The following SNX29 variants were observed in gnomAD, a reference collection of about 807,000 sequenced individuals.
The protein encoded by SNX29 is sorting nexin-29.
SNX29 carries 78 observed loss-of-function variants against 102.1 expected under a neutral mutation model. The ratio of observed to expected loss-of-function variants is 0.76; its 90% confidence interval spans 0.64 to 0.92. The LOEUF is 0.92. Ranked by LOEUF, SNX29 falls within the 40% of genes least tolerant of loss-of-function variation. The pLI is 0.00. For missense variants in SNX29, 1,280 were observed against 1,061.7 expected (o/e 1.21, Z -2.86); for synonymous variants, 580 against 414.5 (o/e 1.40, Z -4.85).
At chr16:12,236,737 C>G (rs139652136) in intron 14 of SNX29, among the ~76,000 whole-genome samples, 2 of 152,318 alleles carry the variant, frequency 1.3e-5, no homozygotes, top group East Asian at 1.9e-4. Flanking sequence ...GTTCCTCTTT[C>G]GCATCTCCCT....
chr16:12,296,374 G>A (rs1006897953), intron 15 of SNX29, among the ~76,000 whole-genome samples: 1 of 151,752 alleles, frequency 6.6e-6, no homozygotes, highest in Non-Finnish European at 1.5e-5. Context: ...CCTTATATAT[G>A]GGGAGAAGAA....
intron 14 of SNX29, among the ~76,000 whole-genome samples, chr16:12,208,921 G>A (rs917826841): frequency 2.0e-5 from 3 of 151,970 alleles, no homozygotes; most frequent in Non-Finnish European, 2.9e-5. Flanking sequence ...CTACTAGGTT[G>A]CACCTTGGAA....
chr16:12,027,216 G>A (rs1018117592), intron 3 of SNX29, 104 bp from the exon 4 acceptor site: 3 of 1,441,296 alleles, frequency 2.1e-6, no homozygotes, highest in Non-Finnish European at 2.8e-6. Flanking sequence ...CCTTCACGCT[G>A]AGGTTTACAC....
intron 16 of SNX29, among the ~76,000 whole-genome samples, chr16:12,393,160 A>G (rs762069330): frequency 3.3e-5 from 5 of 152,204 alleles, no homozygotes; most frequent in African/African-American, 4.8e-5. Flanking sequence ...CATGATTGGA[A>G]CAAAGGTTTG....
chr16:12,091,430 G>A (rs955698560), intron 11 of SNX29, among the ~76,000 whole-genome samples: 7 of 152,114 alleles, frequency 4.6e-5, no homozygotes, highest in South Asian at 4.1e-4. Context: ...GGAGGTGGGC[G>A]TTTGGGAGTT....
chr16:12,384,922 G>C (rs554796674), intron 16 of SNX29, among the ~76,000 whole-genome samples: 10 of 152,330 alleles, frequency 6.6e-5, no homozygotes, highest in African/African-American at 2.4e-4. Context: ...TATAATCCCA[G>C]CACTTTGGGA....
At chr16:12,442,948 C>A (rs897423723) in intron 18 of SNX29, 1 of 453,844 alleles carries the variant, frequency 2.2e-6, no homozygotes, top group Admixed American at 2.4e-5. Flanking sequence ...ATTTCATATA[C>A]TTTGCCCATG....
In SNX29 at chr16:12,048,619, T is replaced by C; in HGVS notation, c.747T>C (p.Ala249=). 4 of 1,613,926 alleles carry C rather than the reference T, an allele frequency of 2.5e-6. No homozygotes were observed. The highest frequency in any genetic ancestry group is 3.4e-6 in the Non-Finnish European group (4 of 1,179,858). ...PLPVVSRNVS[A]DAKCKKERKK... Reference sequence around the variant, plus strand: ...CTGTCGTGTCCAGGAATGTCAGTGCTGGTGAGTGGGAACGGGTGCTCGAGG... The same window carrying C: ...CTGTCGTGTCCAGGAATGTCAGTGCCGGTGAGTGGGAACGGGTGCTCGAGG... The change falls in exon 7 of 21, where the codon GCT becomes GCC. Residue 249 remains alanine (A), a splice_region_variant and synonymous_variant. Coordinates refer to ENST00000566228, the MANE Select transcript of SNX29 (RefSeq NM_032167.5).
intron 20 of SNX29, among the ~76,000 whole-genome samples, chr16:12,554,208 C>T (rs866671074): frequency 2.2e-4 from 33 of 152,318 alleles, no homozygotes; most frequent in African/African-American, 7.7e-4. Flanking sequence ...GAACGATGAG[C>T]ATATATAGAG....
chr16:12,097,341 A>G (rs2052808921), intron 11 of SNX29, among the ~76,000 whole-genome samples: 1 of 152,174 alleles, frequency 6.6e-6, no homozygotes, highest in Non-Finnish European at 1.5e-5. Flanking sequence ...TCCGGGAAGA[A>G]TATGTTTTAG....
intron 10 of SNX29, among the ~76,000 whole-genome samples, chr16:12,077,626 C>T: frequency 6.6e-6 from 1 of 152,042 alleles, no homozygotes; most frequent in East Asian, 1.9e-4. Context: ...TCTGGTCACA[C>T]ATTTTGTTTT....
intron 13 of SNX29, among the ~76,000 whole-genome samples, chr16:12,190,581 G>A (rs1217096105): frequency 6.6e-6 from 1 of 152,204 alleles, no homozygotes; most frequent in Non-Finnish European, 1.5e-5. Flanking sequence ...GGGGCCTGGG[G>A]CAGATGGGAG....
At chr16:12,542,677 C>T (rs1003726231) in intron 20 of SNX29, among the ~76,000 whole-genome samples, 12 of 152,102 alleles carry the variant, frequency 7.9e-5, no homozygotes, top group African/African-American at 2.9e-4. Context: ...GTGTTGGGAA[C>T]ATGGACTTTG....
chr16:12,473,109 C>G (rs1477787100), intron 18 of SNX29, among the ~76,000 whole-genome samples: 3 of 152,072 alleles, frequency 2.0e-5, no homozygotes. Context: ...TTTAAAATAA[C>G]AAACAAAACA....
intron 16 of SNX29, among the ~76,000 whole-genome samples, chr16:12,390,783 G>T (rs1465586534): frequency 6.6e-6 from 1 of 151,886 alleles, no homozygotes; most frequent in Non-Finnish European, 1.5e-5. Flanking sequence ...CCATTTTCCA[G>T]GAGGGAAGTA....
intron 12 of SNX29, 113 bp downstream of exon 12, chr16:12,126,809 T>C: frequency 9.0e-7 from 1 of 1,113,810 alleles, no homozygotes. Context: ...AAATTGTGAC[T>C]GGCTATTTCT....
At chr16:12,002,444 C>T (rs536210645) in intron 2 of SNX29, among the ~76,000 whole-genome samples, 2 of 143,548 alleles carry the variant, frequency 1.4e-5, no homozygotes, top group East Asian at 2.0e-4. Flanking sequence ...GAAACTCCAT[C>T]TCAAAAAAAA....
chr16:12,562,473 A>T (rs1209624281), intron 20 of SNX29, among the ~76,000 whole-genome samples: 1 of 152,196 alleles, frequency 6.6e-6, no homozygotes, highest in Non-Finnish European at 1.5e-5. Context: ...ATAGGCTAGG[A>T]ACTCGAGTCC....
At chr16:12,038,068 T>C (rs939748167) in intron 4 of SNX29, among the ~76,000 whole-genome samples, 17 of 152,198 alleles carry the variant, frequency 1.1e-4, no homozygotes, top group South Asian at 2.1e-4. Flanking sequence ...CTGGTTTTCA[T>C]TGAGCACCAA....
Sources: allele counts gnomAD v4.1 joint callset (sites outside exome capture counted in the v4.1 genomes callset), GRCh38; gene constraint gnomAD v4.1.1; transcripts MANE v1.5; gene names NCBI Gene and HGNC (gene_info 2026-07-23, HGNC 2026-07-21).